The following PRKAG2 variants were observed in gnomAD, a reference collection of about 807,000 sequenced individuals.
PRKAG2 encodes the protein protein kinase AMP-activated non-catalytic subunit gamma 2.
Under a neutral mutation model 69.6 loss-of-function variants are expected in PRKAG2, and 26 were observed. The observed-to-expected ratio is 0.37, with a 90% CI of 0.27 to 0.52. The LOEUF is 0.52. Ranked by LOEUF, PRKAG2 falls within the 20% of genes least tolerant of loss-of-function variation. The pLI is 0.90. For synonymous variants in PRKAG2, 293 were observed against 285.0 expected (o/e 1.03, Z -0.28); for missense variants, 557 against 740.0 (o/e 0.75, Z 2.87).
rs770531254 is a variant in PRKAG2, at chr7:151,851,843, T to C, written c.114+24664A>G. Reference sequence around the variant, plus strand: ...TGAAATGTGCACGTCCTCACTCCCATCACTGCTAAAACACTGCTCAGACTC... The same window carrying C: ...TGAAATGTGCACGTCCTCACTCCCACCACTGCTAAAACACTGCTCAGACTC... On this transcript the variant is annotated intron_variant, in intron 1 of 15. Transcript: ENST00000287878. 6.8e-4 allele frequency among the ~76,000 whole-genome samples: 103 copies of C among 152,116 alleles called. 3 individuals are homozygous for C. The highest frequency in any genetic ancestry group is 2.4e-4 in the Non-Finnish European group (16 of 67,998).
At chr7:151,864,429 G>T (rs925858470) in intron 1 of PRKAG2, among the ~76,000 whole-genome samples, 1 of 152,186 alleles carries the variant, frequency 6.6e-6, no homozygotes, top group South Asian at 2.1e-4. Context: ...CCTTCTCCCA[G>T]GGGCTACCAT....
chr7:151,825,761 A>G (rs2078891985), intron 1 of PRKAG2, among the ~76,000 whole-genome samples: 2 of 152,160 alleles, frequency 1.3e-5, no homozygotes, highest in African/African-American at 4.8e-5. Context: ...TCCTTTCCTG[A>G]GCACAAATGC....
At chr7:151,873,398 A>T (rs916790986) in intron 1 of PRKAG2, among the ~76,000 whole-genome samples, 1 of 152,194 alleles carries the variant, frequency 6.6e-6, no homozygotes, top group Non-Finnish European at 1.5e-5. Context: ...ATGACCCTGG[A>T]TCATTTGCTA....
chr7:151,781,292 G>A lies in PRKAG2; in HGVS notation c.326C>T (p.Ser109Phe), dbSNP rs1382836362. ...GGAGCGTGGCGGGGACTCCTGGTAG[G>A]AGAACGGGAACACGGTTTTGGGAGA... ...PGSPKTVFPF[S>F]YQESPPRSPR... is the part of the protein sequence containing the mutation. The change falls in exon 3 of 16, where the codon TCC becomes TTC. Residue 109 changes from serine (S) to phenylalanine (F), a missense_variant. Physicochemically the swap from Ser to Phe is radical, Grantham distance 155. This residue lies in a region of PRKAG2 where 352 missense variants were observed against 356.7 expected (regional missense o/e 0.99). Transcript: ENST00000287878. The surrounding 1 kb of genome is among the most constrained non-coding windows in gnomAD (Gnocchi z 6.1). 6.2e-7 allele frequency: 1 copy of A among 1,614,118 alleles called. No homozygotes were observed. The highest frequency in any genetic ancestry group is 1.3e-5 in the African/African-American group (1 of 75,052).
chr7:151,572,667 T>C lies in PRKAG2; in HGVS notation c.1048A>G (p.Arg350Gly). Residue 350 changes from arginine (R) to glycine (G), a missense_variant, in exon 9 of 16, where the codon AGG becomes GGG. By Grantham distance (125) the Arg-to-Gly change is moderately radical (BLOSUM62 -2). Around this residue, in one of 2 missense-constraint regions of PRKAG2, gnomAD observed 205 missense variants for 383.4 expected, o/e 0.53. Coordinates refer to ENST00000287878, the MANE Select transcript of PRKAG2 (RefSeq NM_016203.4). ...ELEEHKIETW[R>G]ELYLQETFKP... ...TTAAACATCCAATAGTGCTTACCCC[T>C]CCATGTTTCAATTTTATGTTCCTCT... The C allele has an allele frequency of 6.3e-7, 1 of 1,597,438 alleles. No individual in the cohort carries two copies. The highest frequency in any genetic ancestry group is 8.6e-7 in the Non-Finnish European group (1 of 1,166,784).
chr7:151,589,906 G>T (rs530399024), intron 6 of PRKAG2, among the ~76,000 whole-genome samples: 17 of 152,298 alleles, frequency 1.1e-4, no homozygotes, highest in African/African-American at 3.9e-4. Context: ...CTGCACTTCA[G>T]CCTGGGTGAC....
intron 1 of PRKAG2, chr7:151,810,736 T>A (rs2078376385): frequency 6.5e-6 from 1 of 153,784 alleles, no homozygotes; most frequent in Non-Finnish European, 1.5e-5. Flanking sequence ...ACCAGGCAGA[T>A]GGCAGACTCC....
intron 3 of PRKAG2, among the ~76,000 whole-genome samples, chr7:151,695,107 C>T (rs778935154): frequency 2.0e-5 from 3 of 152,208 alleles, no homozygotes; most frequent in African/African-American, 7.2e-5. Context: ...GTGACATTTA[C>T]ATGATGCCTG....
chr7:151,577,885 A>C lies in PRKAG2; in HGVS notation c.865-1433T>G, dbSNP rs914914504. ...ATGATACTTAGAAAAATATGTGTTT[A>C]AATGGAAACAATGAGAAACAAGCAA... On this transcript the variant is annotated intron_variant, in intron 6 of 15. Transcript: ENST00000287878. 2.0e-4 allele frequency among the ~76,000 whole-genome samples: 31 copies of C among 152,198 alleles called. 1 individual carries two copies. The highest frequency in any genetic ancestry group is 7.5e-4 in the African/African-American group (31 of 41,452).
At chr7:151,816,829 T>C (rs1208985151) in intron 1 of PRKAG2, among the ~76,000 whole-genome samples, 1 of 152,160 alleles carries the variant, frequency 6.6e-6, no homozygotes, top group Non-Finnish European at 1.5e-5. Flanking sequence ...TTCCAAAGCA[T>C]ACATACGAGC....
chr7:151,712,603 G>A (rs748557664), intron 3 of PRKAG2, among the ~76,000 whole-genome samples: 3 of 152,242 alleles, frequency 2.0e-5, no homozygotes, highest in Admixed American at 6.5e-5. Flanking sequence ...GCCTGACCTC[G>A]GACACCAGCT....
intron 3 of PRKAG2, among the ~76,000 whole-genome samples, chr7:151,746,698 A>G (rs931574790): frequency 6.6e-6 from 1 of 152,224 alleles, no homozygotes; most frequent in East Asian, 1.9e-4. Context: ...CGCCTGCTCC[A>G]GTGGCTGCTC....
intron 1 of PRKAG2, among the ~76,000 whole-genome samples, chr7:151,831,991 C>G (rs1044927757): frequency 6.6e-6 from 1 of 152,080 alleles, no homozygotes; most frequent in Non-Finnish European, 1.5e-5. Context: ...GGCCTCCACT[C>G]GGCAAAGAAT....
chr7:151,778,418 A>T (rs530353654), intron 3 of PRKAG2, among the ~76,000 whole-genome samples: 110 of 152,362 alleles, frequency 7.2e-4, no homozygotes, highest in African/African-American at 2.5e-3. Context: ...CAGCCTGCAG[A>T]ACCATGAGCC....
intron 11 of PRKAG2, among the ~76,000 whole-genome samples, chr7:151,566,120 T>A (rs1806202950): frequency 6.6e-6 from 1 of 152,236 alleles, no homozygotes; most frequent in Admixed American, 6.5e-5. Flanking sequence ...AGAGCATTGA[T>A]ACTGTAATCT....
chr7:151,692,072 C>T (rs747027245), intron 3 of PRKAG2, among the ~76,000 whole-genome samples: 20 of 152,068 alleles, frequency 1.3e-4, no homozygotes, highest in African/African-American at 2.7e-4. Context: ...CCTGTTGTCC[C>T]GGCTGCTTGG....
Position 151,807,243 on chromosome 7 carries a change from T to C in PRKAG2, c.115-20702A>G, listed in dbSNP as rs2078158886. ...TATGTAAATCACACCTCAATAAAGCTGACCAAAAAGTGGCCAGTCAGCCAC... is the reference window on the plus strand; with the variant it reads ...TATGTAAATCACACCTCAATAAAGCCGACCAAAAAGTGGCCAGTCAGCCAC... On this transcript the variant is annotated intron_variant, in intron 1 of 15. Coordinates refer to ENST00000287878, the MANE Select transcript of PRKAG2 (RefSeq NM_016203.4). This position sits in a 1 kb window ranked among gnomAD's most constrained non-coding sequence, Gnocchi z 4.4. 3 of 374,134 alleles carry C rather than the reference T, an allele frequency of 8.0e-6. No individual in the cohort carries two copies. The highest frequency in any genetic ancestry group is 6.0e-5 in the South Asian group (3 of 50,014). 23.2% of individuals were successfully genotyped at this position (374,134 alleles called of 1,614,324 possible).
rs141073127 is a variant in PRKAG2 at position 151,664,179 on chromosome 7, A to C, written c.684+11241T>G. Among the ~76,000 whole-genome samples, 776 of 152,324 alleles carry C rather than the reference A, an allele frequency of 5.1e-3. 7 individuals are homozygous for C. The highest frequency in any genetic ancestry group is 0.018 in the African/African-American group (746 of 41,568). ...TCGGATCTCTCCAGAGGTGACGGAC[A>C]ACCATGCTGAGAACACGGATTCTGG... is the stretch of plus-strand genomic sequence containing the variant. On this transcript the variant is annotated intron_variant, in intron 4 of 15. Transcript: ENST00000287878.
intron 5 of PRKAG2, among the ~76,000 whole-genome samples, chr7:151,619,903 C>T (rs574733944): frequency 2.0e-4 from 30 of 152,152 alleles, no homozygotes; most frequent in Non-Finnish European, 3.7e-4. Flanking sequence ...TGCCTGTAAT[C>T]CCAGCTACTC....
Sources: allele counts gnomAD v4.1 joint callset (sites outside exome capture counted in the v4.1 genomes callset), GRCh38; gene constraint gnomAD v4.1.1; regional missense constraint gnomAD v4.1.1; non-coding constraint Gnocchi (gnomAD v3.1); transcripts MANE v1.5; gene names NCBI Gene and HGNC (gene_info 2026-07-23, HGNC 2026-07-21).